ABCC4: variants seen among roughly 807,000 people sequenced by gnomAD.
ABCC4 encodes ATP-binding cassette sub-family C member 4.
Under a neutral mutation model 168.5 loss-of-function variants are expected in ABCC4, and 102 were observed. The ratio of observed to expected loss-of-function variants is 0.61; its 90% CI spans 0.52 to 0.71. ABCC4 has a LOEUF of 0.71. Ranked by LOEUF, ABCC4 falls within the 30% of genes least tolerant of loss-of-function variation. The pLI is 0.00. For missense variants in ABCC4, 1,402 were observed against 1,605.8 expected (o/e 0.87, Z 2.17); for synonymous variants, 617 against 590.7 (o/e 1.04, Z -0.65).
intron 19 of ABCC4, among the ~76,000 whole-genome samples, chr13:95,156,242 C>G (rs536207139): frequency 6.6e-6 from 1 of 152,108 alleles, no homozygotes; most frequent in Non-Finnish European, 1.5e-5. Context: ...AAACATAATA[C>G]GCCACAATAT....
intron 1 of ABCC4, among the ~76,000 whole-genome samples, chr13:95,259,490 TC>T (rs2040474852): frequency 1.3e-5 from 2 of 152,052 alleles, no homozygotes; most frequent in South Asian, 2.1e-4. Flanking sequence ...GGGGGTGTCG[TC>T]CCGTGCACTG....
Position 95,085,827 on chromosome 13 carries a change from A to G in ABCC4, c.2536-2537T>C, listed in dbSNP as rs568930713. 9.5e-4 allele frequency among the ~76,000 whole-genome samples: 145 copies of G among 152,272 alleles called. 5 individuals are homozygous for G. The South Asian group carries it at 0.028, about 30-fold the overall frequency. On this transcript the variant is annotated intron_variant, in intron 20 of 30. Transcript: ENST00000645237. The stretch of plus-strand genomic sequence containing the variant: ...AAACCTTAGTACATATGTATTTCGC[A>G]TCCATTATCTAACTTCACTCTCATA...
At chr13:95,118,618 A>G (rs1200878352) in intron 19 of ABCC4, among the ~76,000 whole-genome samples, 1 of 152,088 alleles carries the variant, frequency 6.6e-6, no homozygotes, top group Non-Finnish European at 1.5e-5. Flanking sequence ...TCTCACAGTC[A>G]TTTTCCCAGA....
At chr13:95,170,948 G>A (rs768957198) in intron 13 of ABCC4, among the ~76,000 whole-genome samples, 2 of 151,906 alleles carry the variant, frequency 1.3e-5, no homozygotes, top group East Asian at 1.9e-4. Context: ...TTTTATTGCC[G>A]TGTAGGATTG....
At position 95,240,261 on chromosome 13, in the gene ABCC4, G is replaced by A. The variant is rs200372378; in HGVS notation, c.307-5427C>T. Among the ~76,000 whole-genome samples, 19 of 152,346 alleles carry A rather than the reference G, an allele frequency of 1.2e-4. 1 individual carries two copies. The highest frequency in any genetic ancestry group is 1.9e-4 in the East Asian group (1 of 5,194). On this transcript the variant is annotated intron_variant, in intron 3 of 30. Coordinates refer to ENST00000645237, the MANE Select transcript of ABCC4 (RefSeq NM_005845.5). The stretch of plus-strand genomic sequence containing the variant: ...TTCTTCAATTAGAAAGTACACACGC[G>A]GCTGGGCGCGATGTAATCTCAGCAC...
chr13:95,094,209 C>A (rs2034520500), intron 20 of ABCC4, among the ~76,000 whole-genome samples: 1 of 151,964 alleles, frequency 6.6e-6, no homozygotes, highest in Admixed American at 6.6e-5. Flanking sequence ...CAAAAAAGAG[C>A]CCGCAGAGCC....
intron 26 of ABCC4, chr13:95,055,648 C>T (rs9561774): frequency 0.21 from 31,221 of 152,026 alleles, 3,406 homozygotes; most frequent in East Asian, 0.36. Flanking sequence ...TTTGGGAGGC[C>T]GAGGCAGGTG....
chr13:95,202,848 C>T (rs902472445), intron 8 of ABCC4, among the ~76,000 whole-genome samples: 12 of 151,670 alleles, frequency 7.9e-5, no homozygotes, highest in African/African-American at 1.9e-4. Flanking sequence ...TTTGCAGAGG[C>T]GGGGTTTCAC....
At chr13:95,172,793 G>A (rs2037524230) in intron 13 of ABCC4, among the ~76,000 whole-genome samples, 1 of 152,012 alleles carries the variant, frequency 6.6e-6, no homozygotes, top group Non-Finnish European at 1.5e-5. Flanking sequence ...TTAGCCAGGA[G>A]TGGTGGTGTG....
chr13:95,035,866 G>C (rs755658101), intron 29 of ABCC4, among the ~76,000 whole-genome samples: 1 of 152,140 alleles, frequency 6.6e-6, no homozygotes, highest in East Asian at 1.9e-4. Flanking sequence ...CTCCAAGCAG[G>C]ACACAGGTTG....
At position 95,186,773 on chromosome 13, in the gene ABCC4, A is replaced by G. The variant is rs1231858648; in HGVS notation, c.1473T>C (p.Ser491=). ...CGTATTTCTTCCCAAATAAAATATT[A>G]CTCCTCAGAGTTCCCGAGAACACCC... ...QPWVFSGTLR[S]NILFGKKYEK... is the part of the protein sequence containing the mutation. Residue 491 remains serine (S), a synonymous_variant, in exon 11 of 31, where the codon AGT becomes AGC. Transcript: ENST00000645237. 1 of 1,614,010 alleles carries G rather than the reference A, an allele frequency of 6.2e-7. No individual in the cohort carries two copies. The highest frequency in any genetic ancestry group is 8.5e-7 in the Non-Finnish European group (1 of 1,179,986).
intron 1 of ABCC4, among the ~76,000 whole-genome samples, chr13:95,300,177 TC>T (rs1452559449): frequency 6.6e-5 from 10 of 152,140 alleles, no homozygotes; most frequent in African/African-American, 2.4e-4. Context: ...CCCGAGTCTT[TC>T]TCCGTTTGTT....
intron 29 of ABCC4, among the ~76,000 whole-genome samples, chr13:95,039,258 T>C (rs2182262): frequency 0.81 from 123,107 of 152,108 alleles, 50,227 homozygotes; most frequent in Admixed American, 0.86. Flanking sequence ...CCCCAATGAG[T>C]GTCTCCTACA....
intron 29 of ABCC4, 72 bp from the exon 30 acceptor site, chr13:95,034,811 T>G: frequency 6.2e-7 from 1 of 1,602,618 alleles, no homozygotes; most frequent in Non-Finnish European, 8.5e-7. Flanking sequence ...GAGACAATAT[T>G]TCGGAAAGGG....
intron 20 of ABCC4, among the ~76,000 whole-genome samples, chr13:95,103,466 G>A (rs2034885646): frequency 6.6e-6 from 1 of 152,150 alleles, no homozygotes; most frequent in Non-Finnish European, 1.5e-5. Flanking sequence ...TGACAGGATT[G>A]GCAAGATATC....
At chr13:95,102,144 A>C (rs544346699) in intron 20 of ABCC4, among the ~76,000 whole-genome samples, 179 of 152,090 alleles carry the variant, frequency 1.2e-3, no homozygotes, top group African/African-American at 4.1e-3. Context: ...ATTTTTTATT[A>C]TTATTTTTTG....
At position 95,044,561 on chromosome 13, in the gene ABCC4, CAT is replaced by C. The variant is rs2032498626; in HGVS notation, c.3457-125_3457-124del. 90 of 762,754 alleles carry C rather than the reference CAT, an allele frequency of 1.2e-4. No individual in the cohort carries two copies. In the South Asian group the frequency reaches 1.6e-3, roughly 13 times the overall value. The allele number at this position is 762,754 out of a possible 1,614,324, so 47.2% of individuals were successfully genotyped here. ...GAGATATAACTTAAGTGGACACACA[CAT>C]GAGGCTGAATTACCTCTAGTTAATG... On this transcript the variant is annotated intron_variant, in intron 27 of 30. Coordinates refer to ENST00000645237, the MANE Select transcript of ABCC4 (RefSeq NM_005845.5).
Position 95,234,806 on chromosome 13 carries a change from AATATGGGCTGGAT to A in ABCC4, c.322_334del (p.Ile108PhefsTer20). 6.4e-7 allele frequency: 1 copy of A among 1,572,460 alleles called. No homozygotes were observed. Among genetic ancestry groups the A allele is most frequent in the Non-Finnish European group, 8.6e-7 (1 of 1,157,422 alleles). Reference sequence around the variant, plus strand: ...AAAATAATTAATAATTTTTCCCAAAAATATGGGCTGGATTACTTTGGCACTTTCCTAAAAGAAG... The same window carrying A: ...AAAATAATTAATAATTTTTCCCAAAATACTTTGGCACTTTCCTAAAAGAAG... On this transcript the variant is annotated frameshift_variant, in exon 4 of 31. Transcript: ENST00000645237. LOFTEE classifies it high-confidence loss of function.
At chr13:95,247,853 C>T (rs2040148503) in intron 1 of ABCC4, 100 bp from the exon 2 acceptor site, 7 of 807,536 alleles carry the variant, frequency 8.7e-6, no homozygotes, top group Non-Finnish European at 1.2e-5. Context: ...CTTTAAAATA[C>T]ATACAGCTAT....
Sources: allele counts gnomAD v4.1 joint callset (sites outside exome capture counted in the v4.1 genomes callset), GRCh38; gene constraint gnomAD v4.1.1; transcripts MANE v1.5; gene names NCBI Gene and HGNC (gene_info 2026-07-23, HGNC 2026-07-21).